The following AHCYL2 variants were observed in gnomAD, a reference collection of about 807,000 sequenced individuals.
AHCYL2 encodes S-adenosylhomocysteine hydrolase-like protein 2.
In AHCYL2, 28 loss-of-function variants were observed where a neutral mutation model predicts 81.4. That is an observed-to-expected ratio of 0.34 (90% confidence interval 0.25 to 0.47). The LOEUF (loss-of-function observed/expected upper bound fraction) is 0.47, where lower values mean the gene tolerates loss of function less well. AHCYL2 is among the 20% of genes least tolerant of loss of function. AHCYL2 has a pLI of 1.00. For synonymous variants in AHCYL2, 272 were observed against 290.2 expected, an observed-to-expected ratio of 0.94 and a Z score of 0.64; for missense variants, 551 against 785.1, an observed-to-expected ratio of 0.70 and a Z score of 3.56.
At chr7:129,342,385 T>A (rs1793215047) in intron 1 of AHCYL2, among the ~76,000 whole-genome samples, 1 of 152,112 alleles carries the variant, frequency 6.6e-6, no homozygotes, top group Admixed American at 6.5e-5. Context: ...TAAAAATATA[T>A]GGGTAGGGAG....
chr7:129,346,394 T>TA (rs1057260425), intron 1 of AHCYL2, among the ~76,000 whole-genome samples: 1 of 152,030 alleles, frequency 6.6e-6, no homozygotes, highest in African/African-American at 2.4e-5. Context: ...ACCTATATGA[T>TA]AAAGGACTGT....
chr7:129,242,560 A>C (rs1049807731), intron 1 of AHCYL2, among the ~76,000 whole-genome samples: 1 of 152,108 alleles, frequency 6.6e-6, no homozygotes. Context: ...TACTAAAAAT[A>C]CAAAAAATTA....
At chr7:129,321,420 G>A (rs1798008157) in intron 1 of AHCYL2, among the ~76,000 whole-genome samples, 1 of 152,138 alleles carries the variant, frequency 6.6e-6, no homozygotes, top group Non-Finnish European at 1.5e-5. Context: ...TGAGATGACT[G>A]TATGGTTTTT....
At chr7:129,290,852 C>G (rs1194100316) in intron 1 of AHCYL2, among the ~76,000 whole-genome samples, 2 of 151,632 alleles carry the variant, frequency 1.3e-5, no homozygotes, top group African/African-American at 4.8e-5. Context: ...ATCGCTTGAA[C>G]CCGGGAGGTG....
At chr7:129,334,164 A>G (rs1416057387) in intron 1 of AHCYL2, among the ~76,000 whole-genome samples, 1 of 152,226 alleles carries the variant, frequency 6.6e-6, no homozygotes, top group South Asian at 2.1e-4. Context: ...TTTGTTAGCA[A>G]TCCCACTTTG....
intron 1 of AHCYL2, among the ~76,000 whole-genome samples, chr7:129,323,873 CTTTT>C (rs369389755): frequency 2.3e-5 from 3 of 131,092 alleles, no homozygotes; most frequent in South Asian, 4.9e-4. Context: ...GCCCTTTTAG[CTTTT>C]TTTTTTTTTT....
At chr7:129,402,742 G>A (rs1796094455) in intron 6 of AHCYL2, among the ~76,000 whole-genome samples, 1 of 152,156 alleles carries the variant, frequency 6.6e-6, no homozygotes, top group Non-Finnish European at 1.5e-5. Flanking sequence ...ATGCTGCACG[G>A]TTCCCTGGTT....
intron 5 of AHCYL2, among the ~76,000 whole-genome samples, chr7:129,398,435 G>A (rs187410197): frequency 1.3e-5 from 2 of 151,002 alleles, no homozygotes; most frequent in African/African-American, 4.9e-5. Flanking sequence ...CTGGAGTGCA[G>A]TGGCATGATC....
rs1584674802 is a variant in AHCYL2, at chr7:129,225,116, G to A, written c.40G>A (p.Val14Met). 6.2e-7 allele frequency: 1 copy of A among 1,601,882 alleles called. No homozygotes were observed. The highest frequency in any genetic ancestry group is 8.5e-7 in the Non-Finnish European group (1 of 1,175,424). Residue 14 changes from valine to methionine, a missense_variant, in exon 1 of 17, where the codon GTG becomes ATG. Around this residue, in one of 2 missense-constraint regions of AHCYL2, gnomAD observed 235 missense variants for 242.1 expected, o/e 0.97. Coordinates refer to ENST00000325006, the MANE Select transcript of AHCYL2 (RefSeq NM_015328.4). ...TGTGTCAGCCGCGGCTGCCGCCAAG[G>A]TGCCTGAGGTGGAGCTGAAGGACCT... is the stretch of plus-strand genomic sequence containing the variant. ...QVVSAAAAAK[V>M]PEVELKDLSP...
chr7:129,252,108 T>TACTCTCTCCCTTTAGCAA (rs1303104360), intron 1 of AHCYL2, among the ~76,000 whole-genome samples: 2 of 152,228 alleles, frequency 1.3e-5, no homozygotes, highest in Non-Finnish European at 2.9e-5. Context: ...ATTTCTAACA[T>TACTCTCTCCCTTTAGCAA]ACTCTCTCCC....
At position 129,424,911 on chromosome 7, in the gene AHCYL2, C is replaced by T. The variant is rs1238458429; in HGVS notation, c.1598C>T (p.Thr533Ile). 2.5e-6 allele frequency: 4 copies of T among 1,613,550 alleles called. No homozygotes were observed. Among genetic ancestry groups the T allele is most frequent in the East Asian group, 2.2e-5 (1 of 44,902 alleles). ...AACCTTAGCTGCTCCACAGTGCCTA[C>T]ATTTGTGCTCTCAATCACTGCTACT... is the stretch of plus-strand genomic sequence containing the variant. ...LLNLSCSTVP[T>I]FVLSITATTQ... Residue 533 changes from threonine to isoleucine, a missense_variant, in exon 14 of 17, where the codon ACA (threonine) becomes ATA (isoleucine). By Grantham distance (89) the Thr-to-Ile change is moderately conservative. This residue lies in a region of AHCYL2 where 316 missense variants were observed against 543.1 expected (regional missense o/e 0.58). Transcript: ENST00000325006.
chr7:129,407,761 C>T (rs1333733529), intron 10 of AHCYL2, among the ~76,000 whole-genome samples: 1 of 152,184 alleles, frequency 6.6e-6, no homozygotes. Context: ...TAGAAGCACA[C>T]AGACAGATAA....
At chr7:129,264,175 C>G (rs1795737963) in intron 1 of AHCYL2, among the ~76,000 whole-genome samples, 3 of 152,192 alleles carry the variant, frequency 2.0e-5, no homozygotes, top group African/African-American at 7.2e-5. Flanking sequence ...GCACCCGCCA[C>G]CATGCCCGGC....
chr7:129,390,139 A>G (rs918778704), intron 4 of AHCYL2, among the ~76,000 whole-genome samples: 5 of 152,212 alleles, frequency 3.3e-5, no homozygotes, highest in Admixed American at 3.3e-4. Context: ...TTGGCCCTGC[A>G]TGTCCACCAG....
intron 1 of AHCYL2, among the ~76,000 whole-genome samples, chr7:129,304,796 G>A (rs1023275795): frequency 1.3e-5 from 2 of 151,756 alleles, no homozygotes; most frequent in Admixed American, 6.6e-5. Flanking sequence ...TGTGTTTCTT[G>A]TAGGCAACAG....
chr7:129,274,145 G>A (rs1584730899), intron 1 of AHCYL2, among the ~76,000 whole-genome samples: 1 of 152,324 alleles, frequency 6.6e-6, no homozygotes, highest in South Asian at 2.1e-4. Context: ...TAACTGTTAT[G>A]TGTCTCCTGT....
At position 129,309,293 on chromosome 7, in the gene AHCYL2, C is replaced by G. The variant is rs542196219; in HGVS notation, c.364-70345C>G. Among the ~76,000 whole-genome samples the G allele has an allele frequency of 5.3e-5, 8 of 151,880 alleles. No homozygotes were observed. In the South Asian group the frequency reaches 1.7e-3, roughly 32 times the overall value. On this transcript the variant is annotated intron_variant, in intron 1 of 16. Transcript: ENST00000325006. ...GTGGCTCACACCTGTAATCCCAGCA[C>G]TTTGGGAGGCCAAGATGGGAGGATC...
At chr7:129,286,459 G>GTTTGT (rs71526097) in intron 1 of AHCYL2, among the ~76,000 whole-genome samples, 3,713 of 150,204 alleles carry the variant, frequency 0.025, 73 homozygotes, top group Admixed American at 0.058. Flanking sequence ...TTGTTTGTTT[G>GTTTGT]TTTGTTTTGT....
chr7:129,325,716 T>TTTTTTC (rs1207581133), intron 1 of AHCYL2, among the ~76,000 whole-genome samples: 2 of 152,044 alleles, frequency 1.3e-5, no homozygotes, highest in African/African-American at 2.4e-5. Context: ...TTTTGTTTTG[T>TTTTTTC]TTTTTCTTTT....
Sources: allele counts gnomAD v4.1 joint callset (sites outside exome capture counted in the v4.1 genomes callset), GRCh38; gene constraint gnomAD v4.1.1; regional missense constraint gnomAD v4.1.1; transcripts MANE v1.5; gene names NCBI Gene and HGNC (gene_info 2026-07-23, HGNC 2026-07-21).